Variants in DLG2 observed in about 807,000 individuals in gnomAD.
DLG2 encodes disks large homolog 2.
In DLG2, 45 loss-of-function variants were observed where a neutral mutation model predicts 132.5. That is an observed-to-expected ratio of 0.34 (90% confidence interval 0.27 to 0.44). DLG2 has a LOEUF of 0.44. Among genes scored for constraint, DLG2 ranks in the 20% least tolerant of loss-of-function variants. DLG2 has a pLI of 1.00. For missense variants in DLG2, 1,045 were observed against 1,196.9 expected (o/e 0.87, Z 1.87); for synonymous variants, 424 against 419.6 (o/e 1.01, Z -0.13).
chr11:83,770,610 G>A (rs371504672), intron 18 of DLG2, among the ~76,000 whole-genome samples: 1 of 152,040 alleles, frequency 6.6e-6, no homozygotes, highest in East Asian at 1.9e-4. Context: ...TGATAAGTGC[G>A]CTTATTTTTT....
At chr11:85,020,690 T>A in intron 6 of DLG2, 1 of 480,954 alleles carries the variant, frequency 2.1e-6, no homozygotes, top group East Asian at 4.9e-5. Context: ...CCCTATTTAA[T>A]AAATGGTGCT....
At chr11:85,505,731 C>T (rs2093915286) in intron 3 of DLG2, among the ~76,000 whole-genome samples, 5 of 152,190 alleles carry the variant, frequency 3.3e-5, no homozygotes, top group Admixed American at 3.3e-4. Context: ...ATGCTGGCCT[C>T]ATGAAATGAG....
chr11:85,144,331 G>A (rs1490560832), intron 5 of DLG2, among the ~76,000 whole-genome samples: 3 of 144,482 alleles, frequency 2.1e-5, no homozygotes, highest in Non-Finnish European at 4.5e-5. Context: ...GAGTTTTGTA[G>A]GCAGCATATA....
chr11:84,504,393 G>C (rs1317873056), intron 7 of DLG2, among the ~76,000 whole-genome samples: 1 of 152,068 alleles, frequency 6.6e-6, no homozygotes, highest in East Asian at 1.9e-4. Context: ...AACCCATTCT[G>C]GGTATTACTA....
At chr11:83,709,949 A>G (rs2084998073) in intron 18 of DLG2, among the ~76,000 whole-genome samples, 1 of 152,166 alleles carries the variant, frequency 6.6e-6, no homozygotes, top group Admixed American at 6.5e-5. Flanking sequence ...CTTGCTGTCC[A>G]CACTCCACTG....
At chr11:84,002,843 C>A (rs943804151) in intron 11 of DLG2, among the ~76,000 whole-genome samples, 7 of 152,110 alleles carry the variant, frequency 4.6e-5, no homozygotes, top group African/African-American at 1.4e-4. Context: ...GCTTGAATTT[C>A]TTTTCAGAAA....
Position 84,559,139 on chromosome 11 carries a change from T to C in DLG2, c.358-24408A>G, listed in dbSNP as rs115030742. On this transcript the variant is annotated intron_variant, in intron 6 of 27. Transcript: ENST00000376104. ...TAAATAGATATTGTATGAAGGCAAA[T>C]ATTTAATTTTGAGTGATGTATGTTT... 4.8e-3 allele frequency among the ~76,000 whole-genome samples: 733 copies of C among 152,266 alleles called. 5 individuals carry two copies. The highest frequency in any genetic ancestry group is 0.017 in the African/African-American group (697 of 41,560).
rs1347742605 is a variant in DLG2 at position 83,494,801 on chromosome 11, G to T, written c.2194-10573C>A. ...TGTGGCAGCCCTGTACTACCATAAA[G>T]AAAAGGAATTTTATTGCAAGGATAC... On this transcript the variant is annotated intron_variant, in intron 21 of 27. Coordinates refer to ENST00000376104, the MANE Select transcript of DLG2 (RefSeq NM_001142699.3). 2.0e-5 allele frequency among the ~76,000 whole-genome samples: 3 copies of T among 152,054 alleles called. No individual in the cohort carries two copies. The East Asian group carries it at 5.8e-4, about 29-fold the overall frequency.
At chr11:85,387,390 G>A (rs2086431488) in intron 3 of DLG2, among the ~76,000 whole-genome samples, 1 of 152,126 alleles carries the variant, frequency 6.6e-6, no homozygotes, top group South Asian at 2.1e-4. Context: ...TTAGACTAAA[G>A]GGAGTTCTCA....
chr11:85,431,061 T>C (rs1565483209), intron 3 of DLG2, among the ~76,000 whole-genome samples: 1 of 152,174 alleles, frequency 6.6e-6, no homozygotes, highest in South Asian at 2.1e-4. Context: ...TTTCTATACA[T>C]CAAACATGTA....
At chr11:83,950,743 A>G (rs1259929325) in intron 14 of DLG2, among the ~76,000 whole-genome samples, 3 of 152,186 alleles carry the variant, frequency 2.0e-5, no homozygotes, top group Non-Finnish European at 2.9e-5. Flanking sequence ...GAAGTCTTAG[A>G]TACTAGTGGC....
intron 6 of DLG2, among the ~76,000 whole-genome samples, chr11:84,731,094 T>C (rs1002547000): frequency 3.3e-5 from 5 of 152,062 alleles, no homozygotes; most frequent in Admixed American, 1.3e-4. Flanking sequence ...TTAGTTGTAT[T>C]ACATGAATGC....
chr11:85,549,638 C>T (rs1333824394), intron 3 of DLG2, among the ~76,000 whole-genome samples: 1 of 152,144 alleles, frequency 6.6e-6, no homozygotes, highest in East Asian at 1.9e-4. Flanking sequence ...GGAGGTTAGG[C>T]ATTCTACCAG....
chr11:85,068,481 A>C (rs555899453), intron 6 of DLG2, among the ~76,000 whole-genome samples: 1 of 152,252 alleles, frequency 6.6e-6, no homozygotes, highest in African/African-American at 2.4e-5. Context: ...ATGTGCAAAA[A>C]TCACAAGCAT....
chr11:84,539,493 T>C (rs2099362934), intron 6 of DLG2, among the ~76,000 whole-genome samples: 1 of 152,190 alleles, frequency 6.6e-6, no homozygotes, highest in African/African-American at 2.4e-5. Flanking sequence ...ATGAGGGCCA[T>C]TGGCAGAAGG....
intron 2 of DLG2, among the ~76,000 whole-genome samples, chr11:85,600,054 T>C (rs1407506604): frequency 1.3e-5 from 2 of 152,166 alleles, no homozygotes; most frequent in African/African-American, 4.8e-5. Flanking sequence ...TCATGGCCAT[T>C]CTCAGCTGAT....
At chr11:85,412,754 C>T (rs1463208510) in intron 3 of DLG2, among the ~76,000 whole-genome samples, 117 of 123,478 alleles carry the variant, frequency 9.5e-4, no homozygotes, top group African/African-American at 3.8e-3. Flanking sequence ...CACACACACA[C>T]ACACACATAT....
intron 11 of DLG2, among the ~76,000 whole-genome samples, chr11:84,040,086 A>G (rs992781496): frequency 6.6e-6 from 1 of 151,060 alleles, no homozygotes; most frequent in Non-Finnish European, 1.5e-5. Context: ...TTTCTTGTAA[A>G]TTTGTTTGAG....
chr11:84,465,850 G>A (rs1403547172), intron 7 of DLG2, among the ~76,000 whole-genome samples: 2 of 151,132 alleles, frequency 1.3e-5, no homozygotes, highest in African/African-American at 2.4e-5. Context: ...GGTGGCCATA[G>A]ATCAAATCCT....
Sources: gnomAD v4.1 joint callset for allele counts (sites outside exome capture counted in the v4.1 genomes callset) on GRCh38, gnomAD v4.1.1 for gene constraint, MANE v1.5 for transcripts, NCBI Gene and HGNC (gene_info 2026-07-23, HGNC 2026-07-21) for gene names.